Variants in FCRL1 observed in about 807,000 individuals in gnomAD.
The protein encoded by FCRL1 is Fc receptor like 1, also known as Fc receptor-like protein 1.
In FCRL1, 34 loss-of-function variants were observed where a neutral mutation model predicts 49.2. The observed-to-expected ratio is 0.69, with a 90% CI of 0.53 to 0.92. The LOEUF is 0.92. Among genes scored for constraint, FCRL1 ranks in the 40% least tolerant of loss-of-function variants. FCRL1 has a pLI of 0.00. For missense variants in FCRL1, 524 were observed against 524.1 expected, an observed-to-expected ratio of 1.00 and a Z score of 0.00; for synonymous variants, 218 against 201.6, an observed-to-expected ratio of 1.08 and a Z score of -0.69.
rs901133949 is a variant in FCRL1, at chr1:157,801,959, C to T, written c.842G>A (p.Gly281Asp). The T allele has an allele frequency of 1.1e-5, 17 of 1,614,094 alleles. No homozygotes were observed. Among genetic ancestry groups the T allele is most frequent in the Non-Finnish European group, 1.4e-5 (16 of 1,180,028 alleles). The change falls in exon 5 of 11, where the codon GGC (glycine) becomes GAC (aspartate). Residue 281 changes from glycine (G) to aspartate (D), a missense_variant. By Grantham distance (94) the Gly-to-Asp change is moderately conservative. Coordinates refer to ENST00000368176, the MANE Select transcript of FCRL1 (RefSeq NM_052938.5). ...CGCCTCACTGCGCTGGGCCCCCAGG[C>T]CATTGTTGGCCTCACAGGAGTAGTT... The part of the protein sequence containing the change: ...SGNYSCEANN[G>D]LGAQRSEAVT...
intron 2 of FCRL1, among the ~76,000 whole-genome samples, chr1:157,805,584 T>C (rs905155431): frequency 1.3e-5 from 2 of 152,166 alleles, no homozygotes; most frequent in African/African-American, 4.8e-5. Context: ...CTCTTGGAGC[T>C]AGGCAGGGCA....
In FCRL1 at chr1:157,803,981, C is replaced by T. The variant is rs371465928; in HGVS notation, c.183G>A (p.Leu61=). 2 of 1,614,178 alleles carry T rather than the reference C, an allele frequency of 1.2e-6. No homozygotes were observed. Among genetic ancestry groups the T allele is most frequent in the Admixed American group, 1.7e-5 (1 of 60,024 alleles). ...TGGGGGAGCTGCTCCAGCCTGGGCC[C>T]AAGGCCCGGGTGTCTCTGAAAAAGC... is the stretch of plus-strand genomic sequence containing the variant. ...QFCFFRDTRA[L]GPGWSSSPKL... Residue 61 remains leucine (L), a synonymous_variant, in exon 3 of 11, where the codon TTG becomes TTA. Coordinates refer to ENST00000368176, the MANE Select transcript of FCRL1 (RefSeq NM_052938.5).
intron 5 of FCRL1, 43 bp from the exon 6 acceptor site, chr1:157,801,620 T>C (rs1365614237): frequency 7.1e-7 from 1 of 1,405,448 alleles, no homozygotes; most frequent in Non-Finnish European, 1.0e-6. Flanking sequence ...GAGGAAGGGC[T>C]TGGGGCTTAG....
rs766118624 is a variant in FCRL1, at chr1:157,800,082, C to A, written c.1007G>T (p.Arg336Ile). The change falls in exon 7 of 11, where the codon AGA (arginine) becomes ATA (isoleucine). Residue 336 changes from arginine (R) to isoleucine (I), a missense_variant. Physicochemically the swap from Arg to Ile is moderately conservative, Grantham distance 97. Coordinates refer to ENST00000368176, the MANE Select transcript of FCRL1 (RefSeq NM_052938.5). ...CCTGAGTGGATCCCTGGCTGAACGTCTTCCTGAAAGAAAAACAAATGAGCA... is the reference window on the plus strand; with the variant it reads ...CCTGAGTGGATCCCTGGCTGAACGTATTCCTGAAAGAAAAACAAATGAGCA... ...FCYGLKRKIG[R>I]RSARDPLRSL... 4.3e-6 allele frequency: 7 copies of A among 1,613,532 alleles called. No individual in the cohort carries two copies. The South Asian group carries it at 4.4e-5, about 10-fold the overall frequency.
chr1:157,807,843 G>A (rs999749871), intron 1 of FCRL1, among the ~76,000 whole-genome samples: 4 of 152,212 alleles, frequency 2.6e-5, no homozygotes, highest in Admixed American at 2.6e-4. Flanking sequence ...GACTGTGGGA[G>A]AAATGTTTCA....
intron 1 of FCRL1, among the ~76,000 whole-genome samples, chr1:157,816,783 T>TG (rs1428563098): frequency 1.9e-5 from 2 of 106,356 alleles, no homozygotes; most frequent in African/African-American, 3.9e-5. Flanking sequence ...AGTTGCTGGA[T>TG]AATAGATAGA....
chr1:157,818,835 G>A (rs528721349), intron 1 of FCRL1, among the ~76,000 whole-genome samples: 1 of 152,240 alleles, frequency 6.6e-6, no homozygotes, highest in Non-Finnish European at 1.5e-5. Context: ...TTTCAATAAA[G>A]CTGTTTTTAA....
rs1245803731 is a variant in FCRL1, at chr1:157,803,881, CT to C, written c.282del (p.Val95SerfsTer2). On this transcript the variant is annotated frameshift_variant, in exon 3 of 11. Coordinates refer to ENST00000368176, the MANE Select transcript of FCRL1 (RefSeq NM_052938.5). LOFTEE classifies it high-confidence loss of function. ...YWCEAQTMAS[K>X]VLRSRRSQIN... ...ATCTGGGATCTCCTGCTCCTCAAGA[CT>C]TTGGACGCCATTGTCTGTGCCTCGC... The C allele has an allele frequency of 6.2e-7, 1 of 1,614,212 alleles. No homozygotes were observed. Among genetic ancestry groups the C allele is most frequent in the South Asian group, 1.1e-5 (1 of 91,080 alleles).
At position 157,804,863 on chromosome 1, in the gene FCRL1, T is replaced by C. The variant is rs566086812; in HGVS notation, c.53-752A>G. Among the ~76,000 whole-genome samples, 1,040 of 135,212 alleles carry C rather than the reference T, an allele frequency of 7.7e-3. 15 individuals are homozygous for C. Among genetic ancestry groups the C allele is most frequent in the African/African-American group, 0.037 (978 of 26,154 alleles). 88.7% of individuals were successfully genotyped at this position (135,212 alleles called of 152,430 possible). A position where few individuals can be genotyped will look rare whatever the true frequency, so the allele number is the denominator to read the frequency against. ...TAGGGGCTCTTTTCTTTTTCTTTTT[T>C]TTTTTTTCCTTTTTGAGACAGGGTC... On this transcript the variant is annotated intron_variant, in intron 2 of 10. Transcript: ENST00000368176.
intron 1 of FCRL1, among the ~76,000 whole-genome samples, chr1:157,817,246 A>G (rs1557928180): frequency 7.3e-6 from 1 of 137,352 alleles, no homozygotes; most frequent in Non-Finnish European, 1.6e-5. Context: ...AGCTTCAGGT[A>G]TTATACTACC....
intron 1 of FCRL1, among the ~76,000 whole-genome samples, chr1:157,817,506 C>T (rs1655205906): frequency 6.6e-6 from 1 of 152,100 alleles, no homozygotes; most frequent in Non-Finnish European, 1.5e-5. Flanking sequence ...TCTTATCTCT[C>T]ACCATAGACA....
At chr1:157,819,649 G>C (rs774672743) in intron 1 of FCRL1, among the ~76,000 whole-genome samples, 3 of 152,062 alleles carry the variant, frequency 2.0e-5, no homozygotes, top group African/African-American at 7.3e-5. Flanking sequence ...GGGATAAAAG[G>C]AAATAACGTT....
chr1:157,799,763 C>T (rs1000687895), intron 7 of FCRL1, among the ~76,000 whole-genome samples: 2 of 151,570 alleles, frequency 1.3e-5, no homozygotes, highest in Non-Finnish European at 2.9e-5. Flanking sequence ...GCACGTTGTG[C>T]ACATGTACCC....
At chr1:157,813,886 G>C (rs1172116540) in intron 1 of FCRL1, among the ~76,000 whole-genome samples, 1 of 152,140 alleles carries the variant, frequency 6.6e-6, no homozygotes, top group Non-Finnish European at 1.5e-5. Flanking sequence ...AGTATCATCA[G>C]ATCTATCACC....
At chr1:157,807,206 A>G (rs1369745952) in intron 1 of FCRL1, 84 bp from the exon 2 acceptor site, 2 of 1,435,540 alleles carry the variant, frequency 1.4e-6, no homozygotes, top group Admixed American at 1.8e-5. Flanking sequence ...AGCTTCCCCA[A>G]CACCACACCC....
chr1:157,817,000 T>G (rs1189340938), intron 1 of FCRL1, among the ~76,000 whole-genome samples: 1 of 151,730 alleles, frequency 6.6e-6, no homozygotes, highest in South Asian at 2.1e-4. Context: ...AATGAAGAAA[T>G]TGAAGAAGAT....
chr1:157,812,377 C>G (rs926563005), intron 1 of FCRL1, among the ~76,000 whole-genome samples: 1 of 152,114 alleles, frequency 6.6e-6, no homozygotes, highest in African/African-American at 2.4e-5. Flanking sequence ...CCTGGCATCA[C>G]AGAGCAGGGG....
chr1:157,813,248 C>G (rs1654573482), intron 1 of FCRL1, among the ~76,000 whole-genome samples: 1 of 152,112 alleles, frequency 6.6e-6, no homozygotes, highest in Non-Finnish European at 1.5e-5. Context: ...AAATAATTTT[C>G]CAATAACTAA....
rs780022428 is a variant in FCRL1 at position 157,801,964 on chromosome 1, G to T, written c.837C>A (p.Asn279Lys). ...CACTGCGCTGGGCCCCCAGGCCATT[G>T]TTGGCCTCACAGGAGTAGTTTCCAG... is the stretch of plus-strand genomic sequence containing the variant. ...EHSGNYSCEA[N>K]NGLGAQRSEA... The change falls in exon 5 of 11, where the codon AAC (asparagine) becomes AAA (lysine). Residue 279 changes from asparagine (N) to lysine (K), a missense_variant. Asn to Lys is a moderately conservative substitution (Grantham distance 94). Transcript: ENST00000368176. 1.9e-6 allele frequency: 3 copies of T among 1,614,118 alleles called. No homozygotes were observed. The highest frequency in any genetic ancestry group is 1.3e-5 in the African/African-American group (1 of 74,954).
Sources: gnomAD v4.1 joint callset for allele counts (sites outside exome capture counted in the v4.1 genomes callset) on GRCh38, gnomAD v4.1.1 for gene constraint, MANE v1.5 for transcripts, NCBI Gene and HGNC (gene_info 2026-07-23, HGNC 2026-07-21) for gene names.